Variants in LDLRAD4 observed in about 807,000 individuals in gnomAD.
LDLRAD4 encodes the protein low density lipoprotein receptor class A domain containing 4.
In LDLRAD4, 5 loss-of-function variants were observed where a neutral mutation model predicts 17.0. That is an observed-to-expected ratio of 0.29 (90% CI 0.15 to 0.62). The LOEUF (loss-of-function observed/expected upper bound fraction) is 0.62. LDLRAD4 is among the 20% of genes least tolerant of loss of function. The pLI is 0.84. For missense variants in LDLRAD4, 340 were observed against 424.7 expected (o/e 0.80, Z 1.75); for synonymous variants, 168 against 171.8 (o/e 0.98, Z 0.17).
intron 3 of LDLRAD4, among the ~76,000 whole-genome samples, chr18:13,502,899 G>A (rs1317564439): frequency 1.3e-5 from 2 of 152,250 alleles, no homozygotes; most frequent in Non-Finnish European, 2.9e-5. Flanking sequence ...GTTGTTGGAG[G>A]TCAGTGCACA....
Position 13,566,139 on chromosome 18 carries a change from C to T in LDLRAD4, c.182-54978C>T, listed in dbSNP as rs889719010. On this transcript the variant is annotated intron_variant, in intron 3 of 5. Transcript: ENST00000359446. ...TGTCTAACATGGTTACAGTTACATC[C>T]GCTTGGTGGGACTTGATGACAAGAC... Among the ~76,000 whole-genome samples, 18 of 152,222 alleles carry T rather than the reference C, an allele frequency of 1.2e-4. No homozygotes were observed. In the East Asian group the frequency reaches 1.9e-3, roughly 16 times the overall value.
chr18:13,232,744 G>A (rs1036222928), intron 1 of LDLRAD4, among the ~76,000 whole-genome samples: 6 of 152,170 alleles, frequency 3.9e-5, no homozygotes, highest in Non-Finnish European at 1.5e-5. Context: ...CACTGGCTTC[G>A]CAGCTTCCTG....
chr18:13,365,195 T>C (rs1289316307), intron 1 of LDLRAD4, among the ~76,000 whole-genome samples: 2 of 152,246 alleles, frequency 1.3e-5, no homozygotes, highest in Non-Finnish European at 2.9e-5. Context: ...AAGGAGCTCC[T>C]GTATGGCTAC....
rs183792351 is a variant in LDLRAD4, at chr18:13,244,747, T to C, written c.-467+25759T>C. On this transcript the variant is annotated intron_variant, in intron 1 of 5. Transcript: ENST00000399848. ...CATCCATATCCACACACACAGCAGG[T>C]CTTACTTCTGAATGTTCTGTGTGGA... is the stretch of plus-strand genomic sequence containing the variant. Among the ~76,000 whole-genome samples, 608 of 152,208 alleles carry C rather than the reference T, an allele frequency of 4.0e-3. 3 individuals carry two copies. Among genetic ancestry groups the C allele is most frequent in the Non-Finnish European group, 4.9e-3 (332 of 68,008 alleles).
chr18:13,578,992 C>T (rs1051035278), intron 3 of LDLRAD4, among the ~76,000 whole-genome samples: 5 of 151,642 alleles, frequency 3.3e-5, no homozygotes, highest in African/African-American at 1.2e-4. Context: ...AGATCGAGAC[C>T]ATCCTGACTA....
chr18:13,309,205 C>T (rs888562196), intron 1 of LDLRAD4, among the ~76,000 whole-genome samples: 4 of 152,144 alleles, frequency 2.6e-5, no homozygotes, highest in African/African-American at 7.2e-5. Context: ...CACACCATGG[C>T]GTGGATTGTG....
intron 1 of LDLRAD4, among the ~76,000 whole-genome samples, chr18:13,248,122 G>C (rs2043055269): frequency 6.6e-6 from 1 of 151,674 alleles, no homozygotes; most frequent in Non-Finnish European, 1.5e-5. Context: ...CACCATGCCT[G>C]GCTAATTTTG....
intron 3 of LDLRAD4, among the ~76,000 whole-genome samples, chr18:13,582,044 G>A (rs762729111): frequency 6.6e-6 from 1 of 152,072 alleles, no homozygotes; most frequent in African/African-American, 2.4e-5. Flanking sequence ...ATGGCCTTGG[G>A]GGCATTATAA....
At chr18:13,529,339 G>A (rs1047007876) in intron 3 of LDLRAD4, among the ~76,000 whole-genome samples, 13 of 152,230 alleles carry the variant, frequency 8.5e-5, no homozygotes, top group Admixed American at 6.5e-4. Context: ...GGTATTCTCC[G>A]AAGATGGCCT....
intron 1 of LDLRAD4, among the ~76,000 whole-genome samples, chr18:13,260,264 A>C (rs2043742493): frequency 6.6e-6 from 1 of 152,104 alleles, no homozygotes; most frequent in African/African-American, 2.4e-5. Flanking sequence ...TTCTGCTGTG[A>C]GCCTTCTTGG....
chr18:13,582,801 C>T (rs1185108503), intron 3 of LDLRAD4, among the ~76,000 whole-genome samples: 1 of 152,240 alleles, frequency 6.6e-6, no homozygotes, highest in African/African-American at 2.4e-5. Context: ...CAGCCTCGAC[C>T]TCCCAGGCGC....
At chr18:13,482,847 T>A (rs1010925032) in intron 3 of LDLRAD4, among the ~76,000 whole-genome samples, 1 of 152,208 alleles carries the variant, frequency 6.6e-6, no homozygotes, top group African/African-American at 2.4e-5. Context: ...AAAGAATAGG[T>A]GAAGTCTGTC....
intron 1 of LDLRAD4, among the ~76,000 whole-genome samples, chr18:13,312,897 A>G (rs16940349): frequency 0.37 from 55,595 of 152,064 alleles, 10,929 homozygotes; most frequent in African/African-American, 0.51. Flanking sequence ...CAGTTGCATT[A>G]TATGTTCTCT....
chr18:13,497,156 C>T (rs1161562250), intron 3 of LDLRAD4, among the ~76,000 whole-genome samples: 1 of 152,122 alleles, frequency 6.6e-6, no homozygotes, highest in Non-Finnish European at 1.5e-5. Context: ...TTTTATTTAG[C>T]TTCCTTTTAT....
intron 1 of LDLRAD4, among the ~76,000 whole-genome samples, chr18:13,366,536 G>A (rs2084068913): frequency 6.6e-6 from 1 of 152,178 alleles, no homozygotes; most frequent in African/African-American, 2.4e-5. Flanking sequence ...ACCACTGTGG[G>A]AGATATACTC....
intron 4 of LDLRAD4, among the ~76,000 whole-genome samples, chr18:13,628,946 T>G (rs2041414237): frequency 6.6e-6 from 1 of 152,202 alleles, no homozygotes; most frequent in Non-Finnish European, 1.5e-5. Flanking sequence ...TCCCCCTGCC[T>G]CAGCCTCCTG....
intron 3 of LDLRAD4, among the ~76,000 whole-genome samples, chr18:13,523,502 G>A (rs1601079720): frequency 6.6e-6 from 1 of 152,188 alleles, no homozygotes; most frequent in Non-Finnish European, 1.5e-5. Flanking sequence ...TGAGAGTGCA[G>A]CCCGCCTTGA....
At chr18:13,571,983 C>T (rs1330743147) in intron 3 of LDLRAD4, among the ~76,000 whole-genome samples, 2 of 152,186 alleles carry the variant, frequency 1.3e-5, no homozygotes, top group African/African-American at 4.8e-5. Context: ...GAAGAGTGTT[C>T]AGGATTCATT....
intron 1 of LDLRAD4, among the ~76,000 whole-genome samples, chr18:13,234,765 C>T (rs2042253782): frequency 2.0e-5 from 3 of 152,178 alleles, no homozygotes; most frequent in South Asian, 4.1e-4. Flanking sequence ...CTGCTGCTCA[C>T]CTACATTACA....
Sources: allele counts gnomAD v4.1 joint callset (sites outside exome capture counted in the v4.1 genomes callset), GRCh38; gene constraint gnomAD v4.1.1; transcripts MANE v1.5; gene names NCBI Gene and HGNC (gene_info 2026-07-23, HGNC 2026-07-21).